The following DOCK3 variants were observed in gnomAD, a reference collection of about 807,000 sequenced individuals.
The protein encoded by DOCK3 is dedicator of cytokinesis 3.
In DOCK3, 60 loss-of-function variants were observed where a neutral mutation model predicts 265.6. That is an observed-to-expected ratio of 0.23 (90% CI 0.18 to 0.28). The LOEUF is 0.28. Ranked by LOEUF, DOCK3 falls within the 10% of genes least tolerant of loss-of-function variation. DOCK3 has a pLI of 1.00. For synonymous variants in DOCK3, 881 were observed against 938.0 expected (o/e 0.94, Z 1.11); for missense variants, 1,981 against 2,594.3 (o/e 0.76, Z 5.14).
At chr3:51,028,804 C>T (rs1477241696) in intron 5 of DOCK3, among the ~76,000 whole-genome samples, 1 of 151,986 alleles carries the variant, frequency 6.6e-6, no homozygotes, top group Non-Finnish European at 1.5e-5. Flanking sequence ...TGTTGTCTTT[C>T]ATATCTTGAT....
intron 3 of DOCK3, among the ~76,000 whole-genome samples, chr3:50,843,488 C>G (rs1346244546): frequency 2.0e-5 from 3 of 152,076 alleles, no homozygotes; most frequent in Admixed American, 6.5e-5. Flanking sequence ...GGAAAAGTAC[C>G]TGGAACCTCA....
At chr3:50,832,791 T>C (rs2045265937) in intron 2 of DOCK3, among the ~76,000 whole-genome samples, 1 of 151,792 alleles carries the variant, frequency 6.6e-6, no homozygotes, top group Non-Finnish European at 1.5e-5. Context: ...TGAATAGGGG[T>C]GGTGATATTC....
chr3:51,178,677 G>C (rs1415715174), intron 12 of DOCK3, among the ~76,000 whole-genome samples: 1 of 152,074 alleles, frequency 6.6e-6, no homozygotes, highest in East Asian at 1.9e-4. Flanking sequence ...GCCAGTCCAT[G>C]GTGGAATTTA....
intron 26 of DOCK3, chr3:51,278,296 A>T: frequency 2.0e-6 from 2 of 985,436 alleles, no homozygotes; most frequent in Non-Finnish European, 2.4e-6. Flanking sequence ...TAGAAGAGAA[A>T]CAAACTGGGA....
At chr3:50,954,153 C>T (rs1264300500) in intron 5 of DOCK3, among the ~76,000 whole-genome samples, 1 of 152,162 alleles carries the variant, frequency 6.6e-6, no homozygotes, top group Non-Finnish European at 1.5e-5. Flanking sequence ...CTGTACTTTC[C>T]GCTTCTATGA....
chr3:51,144,875 G>A (rs1419810245), intron 9 of DOCK3, among the ~76,000 whole-genome samples: 1 of 152,158 alleles, frequency 6.6e-6, no homozygotes, highest in Non-Finnish European at 1.5e-5. Context: ...CACAAAATAA[G>A]TAAGTTACTT....
chr3:50,888,601 C>T (rs2048466090), intron 3 of DOCK3, among the ~76,000 whole-genome samples: 1 of 152,192 alleles, frequency 6.6e-6, no homozygotes. Flanking sequence ...TGCTACCTGA[C>T]TTCAAACTAT....
chr3:50,941,436 G>A (rs1227614559), intron 5 of DOCK3, among the ~76,000 whole-genome samples: 3 of 152,044 alleles, frequency 2.0e-5, no homozygotes, highest in Non-Finnish European at 2.9e-5. Flanking sequence ...CAAGGATGTG[G>A]ATCTGCATCT....
chr3:51,328,188 T>C (rs184847068), intron 32 of DOCK3, among the ~76,000 whole-genome samples: 41 of 152,272 alleles, frequency 2.7e-4, no homozygotes, highest in African/African-American at 8.4e-4. Context: ...TTGAGAAATA[T>C]TTAGGCGCCA....
chr3:50,968,614 A>G (rs989042209), intron 5 of DOCK3, among the ~76,000 whole-genome samples: 1 of 148,042 alleles, frequency 6.8e-6, no homozygotes, highest in Non-Finnish European at 1.5e-5. Context: ...CAGTGGCACT[A>G]TCTTGGCTCA....
intron 9 of DOCK3, among the ~76,000 whole-genome samples, chr3:51,122,425 C>A (rs916206092): frequency 6.6e-6 from 1 of 152,058 alleles, no homozygotes; most frequent in African/African-American, 2.4e-5. Context: ...TGAGCCCAGA[C>A]AACGGAGCAA....
intron 9 of DOCK3, among the ~76,000 whole-genome samples, chr3:51,109,500 G>C (rs1342292056): frequency 6.6e-6 from 1 of 151,960 alleles, no homozygotes; most frequent in African/African-American, 2.4e-5. Flanking sequence ...GCTAGCAGAA[G>C]ATAACCAATA....
At chr3:50,708,547 A>G (rs2036558388) in intron 1 of DOCK3, among the ~76,000 whole-genome samples, 1 of 152,114 alleles carries the variant, frequency 6.6e-6, no homozygotes, top group Non-Finnish European at 1.5e-5. Context: ...AAATGGCACT[A>G]TGCTGTGGCT....
intron 12 of DOCK3, among the ~76,000 whole-genome samples, chr3:51,197,446 G>A (rs2088375356): frequency 6.6e-6 from 1 of 152,198 alleles, no homozygotes; most frequent in Non-Finnish European, 1.5e-5. Flanking sequence ...GTGCGTTGAT[G>A]TTGGTGGTGG....
At chr3:50,977,234 A>C (rs2108517811) in intron 5 of DOCK3, among the ~76,000 whole-genome samples, 2 of 150,766 alleles carry the variant, frequency 1.3e-5, no homozygotes, top group East Asian at 3.9e-4. Context: ...GTTTCTTCCT[A>C]GTCTCGATGG....
chr3:51,296,090 TC>T (rs1227428785), intron 27 of DOCK3, among the ~76,000 whole-genome samples: 28 of 152,140 alleles, frequency 1.8e-4, no homozygotes, highest in Admixed American at 1.8e-3. Flanking sequence ...TTCTAAGGCA[TC>T]CACAGGAAAA....
intron 1 of DOCK3, among the ~76,000 whole-genome samples, chr3:50,686,545 C>T (rs2034814885): frequency 6.6e-6 from 1 of 152,158 alleles, no homozygotes; most frequent in Non-Finnish European, 1.5e-5. Flanking sequence ...AATGCTCAGA[C>T]TCTTTTGAAA....
chr3:51,332,112 G>A (rs1484017410), intron 33 of DOCK3, among the ~76,000 whole-genome samples: 4 of 152,230 alleles, frequency 2.6e-5, no homozygotes, highest in Non-Finnish European at 5.9e-5. Flanking sequence ...CAGTCAGGCT[G>A]TGGGTTTGAG....
At chr3:50,955,852 G>C (rs1286387015) in intron 5 of DOCK3, among the ~76,000 whole-genome samples, 3 of 152,106 alleles carry the variant, frequency 2.0e-5, no homozygotes, top group Non-Finnish European at 4.4e-5. Flanking sequence ...TAAAAAAAGG[G>C]ATAACAGTTG....
Sources: allele counts gnomAD v4.1 joint callset (sites outside exome capture counted in the v4.1 genomes callset), GRCh38; gene constraint gnomAD v4.1.1; transcripts MANE v1.5; gene names NCBI Gene and HGNC (gene_info 2026-07-23, HGNC 2026-07-21).